Variants in MYO10 observed in about 807,000 individuals in gnomAD.
The protein encoded by MYO10 is myosin X.
In MYO10, 133 loss-of-function variants were observed where a neutral mutation model predicts 257.3. The ratio of observed to expected loss-of-function variants is 0.52; its 90% CI spans 0.45 to 0.60. MYO10 has a LOEUF of 0.60. Among genes scored for constraint, MYO10 ranks in the 20% least tolerant of loss-of-function variants. The pLI is 0.00. For missense variants in MYO10, 2,399 were observed against 2,635.7 expected (o/e 0.91, Z 1.97); for synonymous variants, 1,104 against 1,028.6 (o/e 1.07, Z -1.40).
At chr5:16,700,510 C>G (rs1157404188) in intron 25 of MYO10, among the ~76,000 whole-genome samples, 1 of 152,166 alleles carries the variant, frequency 6.6e-6, no homozygotes, top group Non-Finnish European at 1.5e-5. Context: ...AACCCCATCT[C>G]TACTAAAAAT....
chr5:16,765,254 C>CAAGCTCCTAGTGAAAATA (rs1272023500), intron 11 of MYO10, among the ~76,000 whole-genome samples: 4 of 152,104 alleles, frequency 2.6e-5, no homozygotes, highest in Non-Finnish European at 4.4e-5. Context: ...CTGGTGGGCA[C>CAAGCTCCTAGTGAAAATA]AAGCTCCTAG....
chr5:16,763,443 C>T (rs773871888), intron 14 of MYO10, 38 bp downstream of exon 14: 3 of 1,507,396 alleles, frequency 2.0e-6, no homozygotes, highest in East Asian at 4.5e-5. Context: ...CCAGCTGGAC[C>T]CCCTTGGGAC....
chr5:16,826,948 G>T (rs1341007837), intron 2 of MYO10, among the ~76,000 whole-genome samples: 1 of 152,138 alleles, frequency 6.6e-6, no homozygotes, highest in Admixed American at 6.6e-5. Context: ...ACTGGTGTAT[G>T]CGTGCTTAAG....
intron 3 of MYO10, among the ~76,000 whole-genome samples, chr5:16,800,777 A>G (rs931965746): frequency 1.3e-5 from 2 of 152,182 alleles, no homozygotes; most frequent in South Asian, 2.1e-4. Flanking sequence ...CTCCTGTGGA[A>G]TGAAAGGCTT....
intron 6 of MYO10, 47 bp from the exon 7 acceptor site, chr5:16,780,788 G>A (rs1231807851): frequency 1.3e-6 from 2 of 1,532,198 alleles, no homozygotes; most frequent in Non-Finnish European, 1.8e-6. Context: ...ACAAAGCTAT[G>A]TGCCATGCTC....
intron 33 of MYO10, among the ~76,000 whole-genome samples, chr5:16,676,982 C>A (rs1288883038): frequency 6.6e-6 from 1 of 152,148 alleles, no homozygotes; most frequent in African/African-American, 2.4e-5. Flanking sequence ...GTTTTCTATT[C>A]TCTCTATACC....
chr5:16,727,191 AAC>A (rs953776158), intron 19 of MYO10, among the ~76,000 whole-genome samples: 11 of 152,242 alleles, frequency 7.2e-5, no homozygotes, highest in African/African-American at 2.7e-4. Flanking sequence ...TCACAAAAAA[AAC>A]AATTTTTTTT....
At chr5:16,762,963 CA>C (rs1236696380) in intron 14 of MYO10, among the ~76,000 whole-genome samples, 5 of 121,058 alleles carry the variant, frequency 4.1e-5, no homozygotes, top group Admixed American at 8.7e-5. Context: ...GACTCCGTCT[CA>C]GGGGAAAAAA....
At chr5:16,774,699 G>A (rs1303164027) in intron 9 of MYO10, among the ~76,000 whole-genome samples, 1 of 152,076 alleles carries the variant, frequency 6.6e-6, no homozygotes, top group Non-Finnish European at 1.5e-5. Flanking sequence ...GGGATTACAG[G>A]CGTGAGCCAC....
At chr5:16,693,902 G>C (rs931432076) in intron 27 of MYO10, among the ~76,000 whole-genome samples, 3 of 152,132 alleles carry the variant, frequency 2.0e-5, no homozygotes, top group Admixed American at 2.0e-4. Flanking sequence ...GCTGGGAATG[G>C]GGATGGCTAG....
At chr5:16,819,243 A>C (rs1036381266) in intron 2 of MYO10, among the ~76,000 whole-genome samples, 4 of 152,204 alleles carry the variant, frequency 2.6e-5, no homozygotes, top group Admixed American at 2.6e-4. Flanking sequence ...TTAAAATTCC[A>C]AAAACAGCAA....
chr5:16,761,531 G>A lies in MYO10; in HGVS notation c.1672C>T (p.Arg558Ter), dbSNP rs1180595906. The A allele has an allele frequency of 6.2e-6, 10 of 1,611,774 alleles. No individual in the cohort carries two copies. Among genetic ancestry groups the A allele is most frequent in the Admixed American group, 5.0e-5 (3 of 59,912 alleles). Reference protein sequence around the residue: ...HYAGEVQYDVRGILEKNRDTF... With the variant: ...HYAGEVQYDV ...TCTCTGTTCTTCTCCAAGATACCTC[G>A]GACATCATATTGCACCTAGTTTTAA... The change falls in exon 17 of 41, where the codon CGA becomes TGA. Residue 558 changes from arginine to a stop codon, truncating the protein, a stop_gained. Coordinates refer to ENST00000513610, the MANE Select transcript of MYO10 (RefSeq NM_012334.3). LOFTEE classifies it high-confidence loss of function.
In MYO10 at chr5:16,803,168, G is replaced by A. The variant is rs143484915; in HGVS notation, c.280-8335C>T. Among the ~76,000 whole-genome samples, 1,134 of 152,228 alleles carry A rather than the reference G, an allele frequency of 7.4e-3. 9 individuals carry two copies. The highest frequency in any genetic ancestry group is 0.036 in the East Asian group (186 of 5,178). On this transcript the variant is annotated intron_variant, in intron 3 of 40. Coordinates refer to ENST00000513610, the MANE Select transcript of MYO10 (RefSeq NM_012334.3). Reference sequence around the variant, plus strand: ...AGGCCAGGCCTGATGGCTCATGCCCGTAATCCCAGCAGTTTGGGAGGCCGA... The same window carrying A: ...AGGCCAGGCCTGATGGCTCATGCCCATAATCCCAGCAGTTTGGGAGGCCGA...
chr5:16,679,438 A>C (rs576034645), intron 33 of MYO10, among the ~76,000 whole-genome samples: 1 of 152,274 alleles, frequency 6.6e-6, no homozygotes, highest in East Asian at 1.9e-4. Context: ...CTAGAGACAA[A>C]ACATTTTTGG....
At chr5:16,684,912 C>T (rs31301) in intron 29 of MYO10, among the ~76,000 whole-genome samples, 2,374 of 152,014 alleles carry the variant, frequency 0.016, 55 homozygotes, top group African/African-American at 0.055. Flanking sequence ...CCGGGTGTGG[C>T]GGCAAGCGCC....
chr5:16,756,531 A>G (rs1031346697), intron 18 of MYO10, among the ~76,000 whole-genome samples: 1 of 152,188 alleles, frequency 6.6e-6, no homozygotes, highest in Admixed American at 6.5e-5. Flanking sequence ...CTGTCTGAAC[A>G]CTACATGGAT....
intron 4 of MYO10, among the ~76,000 whole-genome samples, chr5:16,793,178 T>C (rs1052381246): frequency 1.1e-4 from 17 of 152,108 alleles, no homozygotes; most frequent in Non-Finnish European, 2.9e-5. Context: ...CTGACATGCA[T>C]CCCGTCTGCT....
At chr5:16,911,658 G>C (rs1449993174) in intron 1 of MYO10, among the ~76,000 whole-genome samples, 1 of 152,040 alleles carries the variant, frequency 6.6e-6, no homozygotes, top group Non-Finnish European at 1.5e-5. Flanking sequence ...CTTGAACCTG[G>C]GAAATCAAGG....
chr5:16,669,041 G>A (rs1736313617), intron 39 of MYO10, among the ~76,000 whole-genome samples: 1 of 152,064 alleles, frequency 6.6e-6, no homozygotes, highest in African/African-American at 2.4e-5. Flanking sequence ...AGACTTTCCT[G>A]TACAGATTGG....
Sources: gnomAD v4.1 joint callset for allele counts (sites outside exome capture counted in the v4.1 genomes callset) on GRCh38, gnomAD v4.1.1 for gene constraint, MANE v1.5 for transcripts, NCBI Gene and HGNC (gene_info 2026-07-23, HGNC 2026-07-21) for gene names.